The following NAV2 variants were observed in gnomAD, a reference collection of about 807,000 sequenced individuals.
NAV2 encodes helicase, APC down-regulated 1.
A neutral mutation model predicts 223.2 loss-of-function variants in NAV2; 54 were observed. The observed-to-expected ratio is 0.24, with a 90% CI of 0.19 to 0.30. The LOEUF is 0.30. NAV2 is among the 10% of genes least tolerant of loss of function. NAV2 has a pLI of 1.00. For missense variants in NAV2, 2,806 were observed against 3,147.5 expected (o/e 0.89, Z 2.60); for synonymous variants, 1,279 against 1,239.3 (o/e 1.03, Z -0.67).
intron 1 of NAV2, among the ~76,000 whole-genome samples, chr11:19,552,328 C>T (rs1415864845): frequency 6.6e-6 from 1 of 152,210 alleles, no homozygotes; most frequent in Admixed American, 6.5e-5. Context: ...AGGGAATTCA[C>T]AGTTTACAGT....
intron 8 of NAV2, among the ~76,000 whole-genome samples, chr11:19,941,075 G>A (rs1565605794): frequency 6.6e-6 from 1 of 152,174 alleles, no homozygotes; most frequent in South Asian, 2.1e-4. Context: ...GAGCAGTGTG[G>A]ATTCCTGTCA....
chr11:19,828,665 T>C (rs1040760488), intron 1 of NAV2, among the ~76,000 whole-genome samples: 1 of 105,574 alleles, frequency 9.5e-6, no homozygotes, highest in African/African-American at 2.9e-5. Context: ...ATTTTTTGTG[T>C]TTTTTGTAGG....
chr11:19,627,926 AAAGAAG>A (rs962025631), intron 1 of NAV2, among the ~76,000 whole-genome samples: 3 of 139,930 alleles, frequency 2.1e-5, no homozygotes, highest in East Asian at 2.1e-4. Context: ...AAAAAAAAAA[AAAGAAG>A]AAGAAGAAGA....
intron 11 of NAV2, among the ~76,000 whole-genome samples, chr11:20,001,084 G>A (rs2052495820): frequency 6.6e-6 from 1 of 152,036 alleles, no homozygotes; most frequent in Non-Finnish European, 1.5e-5. Flanking sequence ...CACCCGCCTC[G>A]TCCCCAACAT....
intron 2 of NAV2, among the ~76,000 whole-genome samples, chr11:19,834,664 C>T (rs549984470): frequency 1.7e-4 from 26 of 152,010 alleles, no homozygotes; most frequent in African/African-American, 6.3e-4. Flanking sequence ...CCTACTTTGA[C>T]TGAGTTTTGC....
chr11:19,750,016 T>C (rs1216406180), intron 1 of NAV2, among the ~76,000 whole-genome samples: 1 of 152,228 alleles, frequency 6.6e-6, no homozygotes, highest in Non-Finnish European at 1.5e-5. Context: ...GGGATTCTAA[T>C]GAGGACATTG....
At chr11:19,869,678 C>A (rs2062347107) in intron 4 of NAV2, among the ~76,000 whole-genome samples, 1 of 152,090 alleles carries the variant, frequency 6.6e-6, no homozygotes, top group African/African-American at 2.4e-5. Flanking sequence ...TGCCATAGGC[C>A]CAGGCATCCT....
intron 7 of NAV2, among the ~76,000 whole-genome samples, chr11:19,935,143 G>T (rs781071418): frequency 4.6e-5 from 7 of 152,226 alleles, no homozygotes; most frequent in Non-Finnish European, 7.3e-5. Context: ...TGCCCTTAAA[G>T]TTCTTATCAT....
intron 1 of NAV2, among the ~76,000 whole-genome samples, chr11:19,576,377 C>G (rs935106833): frequency 7.9e-5 from 12 of 152,004 alleles, no homozygotes; most frequent in African/African-American, 2.7e-4. Context: ...ATTTTGAAAC[C>G]ACTCGCTTCT....
chr11:19,927,005 T>C (rs1361856254), intron 6 of NAV2, among the ~76,000 whole-genome samples: 10 of 152,210 alleles, frequency 6.6e-5, no homozygotes, highest in Non-Finnish European at 1.5e-4. Context: ...CTTTAAACAG[T>C]ATTTTCATTT....
intron 6 of NAV2, among the ~76,000 whole-genome samples, chr11:19,926,930 G>A (rs1446849693): frequency 6.6e-6 from 1 of 152,162 alleles, no homozygotes; most frequent in Non-Finnish European, 1.5e-5. Context: ...GCTGGGGACA[G>A]GAGAGACCTG....
chr11:19,455,158 G>A (rs1340127992), intron 1 of NAV2, among the ~76,000 whole-genome samples: 2 of 152,222 alleles, frequency 1.3e-5, no homozygotes, highest in Non-Finnish European at 2.9e-5. Context: ...GGTAGGGCCA[G>A]GTTGGGTCAG....
rs371008383 is a variant in NAV2 at position 19,939,694 on chromosome 11, C to T, written c.2067C>T (p.Ala689=). The change falls in exon 8 of 38, where the codon GCC becomes GCT. Residue 689 remains alanine, a synonymous_variant. Transcript: ENST00000349880. The part of the protein sequence containing the change: ...SQTDTEGNVT[A]ESSSTGVSVE... ...CGGACACTGAAGGGAATGTTACTGC[C>T]GAGTCAAGCTCAACAGGTGTGAGCG... The T allele has an allele frequency of 5.6e-6, 9 of 1,614,036 alleles. No homozygotes were observed. Among genetic ancestry groups the T allele is most frequent in the African/African-American group, 1.3e-5 (1 of 75,040 alleles).
At chr11:20,042,226 C>T (rs1452864119) in intron 12 of NAV2, among the ~76,000 whole-genome samples, 2 of 152,208 alleles carry the variant, frequency 1.3e-5, no homozygotes, top group African/African-American at 2.4e-5. Context: ...GATAACAGTA[C>T]TTGAGTACTT....
At chr11:19,467,055 A>G (rs1035165290) in intron 1 of NAV2, among the ~76,000 whole-genome samples, 1 of 152,126 alleles carries the variant, frequency 6.6e-6, no homozygotes, top group Non-Finnish European at 1.5e-5. Context: ...ATAGATAGAG[A>G]GAGAGAGATG....
chr11:19,643,179 T>C (rs2047713967), intron 1 of NAV2, among the ~76,000 whole-genome samples: 1 of 152,186 alleles, frequency 6.6e-6, no homozygotes. Flanking sequence ...AATTTTTTTA[T>C]TATACTTTAA....
At chr11:19,695,646 G>A (rs1442640563) in intron 1 of NAV2, among the ~76,000 whole-genome samples, 4 of 152,174 alleles carry the variant, frequency 2.6e-5, no homozygotes, top group Non-Finnish European at 4.4e-5. Flanking sequence ...GCTCACGCCT[G>A]TAATCCCAGC....
chr11:20,060,396 C>T (rs1046027807), intron 19 of NAV2, among the ~76,000 whole-genome samples: 1 of 152,236 alleles, frequency 6.6e-6, no homozygotes, highest in Non-Finnish European at 1.5e-5. Context: ...CATTAAAGGC[C>T]TCTGTTAATG....
At chr11:19,770,437 G>A (rs1030389484) in intron 1 of NAV2, among the ~76,000 whole-genome samples, 1 of 152,006 alleles carries the variant, frequency 6.6e-6, no homozygotes, top group Non-Finnish European at 1.5e-5. Flanking sequence ...CCTTAAAAGG[G>A]GGTCAGAGGT....
Sources: allele counts gnomAD v4.1 joint callset (sites outside exome capture counted in the v4.1 genomes callset), GRCh38; gene constraint gnomAD v4.1.1; transcripts MANE v1.5; gene names NCBI Gene and HGNC (gene_info 2026-07-23, HGNC 2026-07-21).